The following THSD4 variants were observed in gnomAD, a reference collection of about 807,000 sequenced individuals.
THSD4 encodes the protein thrombospondin type 1 domain containing 4.
In THSD4, 69 loss-of-function variants were observed where a neutral mutation model predicts 119.0. That is an observed-to-expected ratio of 0.58 (90% CI 0.48 to 0.71). The LOEUF (loss-of-function observed/expected upper bound fraction) is 0.71. Ranked by LOEUF, THSD4 falls within the 30% of genes least tolerant of loss-of-function variation. The pLI is 0.00. For synonymous variants in THSD4, 524 were observed against 540.4 expected, an observed-to-expected ratio of 0.97 and a Z score of 0.42; for missense variants, 1,393 against 1,391.1, an observed-to-expected ratio of 1.00 and a Z score of -0.02.
chr15:71,672,393 C>T (rs1238017701), intron 8 of THSD4, among the ~76,000 whole-genome samples: 2 of 152,178 alleles, frequency 1.3e-5, no homozygotes, highest in African/African-American at 4.8e-5. Flanking sequence ...GGGGCTGAGA[C>T]GATGGGGTTT....
intron 7 of THSD4, among the ~76,000 whole-genome samples, chr15:71,635,702 C>T (rs985849882): frequency 2.6e-5 from 4 of 152,298 alleles, no homozygotes; most frequent in South Asian, 4.2e-4. Context: ...CTAATTTTCT[C>T]CCAGCTGCAT....
intron 7 of THSD4, among the ~76,000 whole-genome samples, chr15:71,468,672 T>C (rs1416610064): frequency 6.6e-6 from 1 of 152,256 alleles, no homozygotes; most frequent in Non-Finnish European, 1.5e-5. Context: ...TGCCTCACGT[T>C]AGGTAAGTCT....
In THSD4 at chr15:71,531,446, G is replaced by A. The variant is rs985369906; in HGVS notation, c.1152+119623G>A. Among the ~76,000 whole-genome samples, 6 of 152,312 alleles carry A rather than the reference G, an allele frequency of 3.9e-5. No homozygotes were observed. The South Asian group carries it at 1.2e-3, about 32-fold the overall frequency. ...TTGAACTTGTGGACACATGAAAATG[G>A]ATAGAAGTGGGTGAATTCAAGACAC... is the stretch of plus-strand genomic sequence containing the variant. On this transcript the variant is annotated intron_variant, in intron 7 of 17. Transcript: ENST00000261862.
At chr15:71,359,965 C>T (rs536152832) in intron 6 of THSD4, among the ~76,000 whole-genome samples, 12 of 152,336 alleles carry the variant, frequency 7.9e-5, no homozygotes, top group African/African-American at 2.9e-4. Flanking sequence ...TGCTGTATAA[C>T]AGACCACCCC....
chr15:71,751,393 C>T (rs1323944976), intron 14 of THSD4, among the ~76,000 whole-genome samples: 1 of 152,066 alleles, frequency 6.6e-6, no homozygotes, highest in Non-Finnish European at 1.5e-5. Context: ...AACCTCTTCA[C>T]CAAAAGAAAA....
At chr15:71,165,463 T>G in intron 3 of THSD4, 1 of 1,348,208 alleles carries the variant, frequency 7.4e-7, no homozygotes, top group Non-Finnish European at 1.0e-6. Context: ...CCAGTGCCCG[T>G]CCGGCTCTCA....
chr15:71,662,606 C>T (rs937897611), intron 8 of THSD4, among the ~76,000 whole-genome samples: 1 of 152,030 alleles, frequency 6.6e-6, no homozygotes, highest in Non-Finnish European at 1.5e-5. Flanking sequence ...TTTTCCCTGG[C>T]TATAGTTAGT....
At chr15:71,442,614 GTGTGTA>G (rs1273666874) in intron 7 of THSD4, among the ~76,000 whole-genome samples, 3 of 55,270 alleles carry the variant, frequency 5.4e-5, no homozygotes, top group South Asian at 7.6e-4. Flanking sequence ...GTGTGTGTGT[GTGTGTA>G]TATATATATG....
chr15:71,239,277 A>G (rs1444340574), intron 4 of THSD4, among the ~76,000 whole-genome samples: 1 of 152,154 alleles, frequency 6.6e-6, no homozygotes, highest in Non-Finnish European at 1.5e-5. Context: ...ACATTTAAGA[A>G]GACATTACTC....
At chr15:71,370,119 G>A (rs2046023340) in intron 6 of THSD4, among the ~76,000 whole-genome samples, 1 of 152,036 alleles carries the variant, frequency 6.6e-6, no homozygotes, top group African/African-American at 2.4e-5. Flanking sequence ...TGTGGGATCA[G>A]CGGTGATATC....
At chr15:71,369,496 T>C (rs1045607034) in intron 6 of THSD4, among the ~76,000 whole-genome samples, 4 of 152,316 alleles carry the variant, frequency 2.6e-5, no homozygotes, top group Admixed American at 2.6e-4. Flanking sequence ...CATGAAGGGC[T>C]GTTGAATTTT....
At chr15:71,194,086 T>G (rs1053660782) in intron 3 of THSD4, among the ~76,000 whole-genome samples, 1 of 152,206 alleles carries the variant, frequency 6.6e-6, no homozygotes, top group Non-Finnish European at 1.5e-5. Context: ...CCATGTAAGA[T>G]GTGCCTTTAT....
At chr15:71,649,154 G>C (rs2051032426) in intron 7 of THSD4, among the ~76,000 whole-genome samples, 1 of 152,046 alleles carries the variant, frequency 6.6e-6, no homozygotes, top group Non-Finnish European at 1.5e-5. Flanking sequence ...CTTCTCTTTG[G>C]CTCTTCTCCA....
intron 7 of THSD4, among the ~76,000 whole-genome samples, chr15:71,535,934 A>T (rs1019786606): frequency 8.5e-5 from 13 of 152,276 alleles, no homozygotes; most frequent in African/African-American, 2.6e-4. Flanking sequence ...GAATTTTGAT[A>T]AAGTCCCATT....
chr15:71,613,956 C>CT (rs1567063083), intron 7 of THSD4, among the ~76,000 whole-genome samples: 3 of 152,150 alleles, frequency 2.0e-5, no homozygotes, highest in African/African-American at 7.2e-5. Flanking sequence ...TAAATAGACC[C>CT]TTTTCTCTAT....
intron 6 of THSD4, chr15:71,341,053 C>A (rs2045561223): frequency 1.2e-6 from 1 of 826,306 alleles, no homozygotes; most frequent in African/African-American, 1.7e-5. Flanking sequence ...TCTCCCATTT[C>A]TTTTTTCTTT....
intron 7 of THSD4, among the ~76,000 whole-genome samples, chr15:71,562,508 C>A (rs562083079): frequency 6.6e-6 from 1 of 152,026 alleles, no homozygotes; most frequent in East Asian, 1.9e-4. Context: ...GCATATATGC[C>A]GATAAGCCAG....
intron 2 of THSD4, among the ~76,000 whole-genome samples, chr15:71,153,039 C>T (rs531599229): frequency 7.5e-4 from 114 of 152,304 alleles, no homozygotes; most frequent in African/African-American, 2.7e-3. Flanking sequence ...TGTTCCCACC[C>T]TAGCCCTCTC....
At chr15:71,260,111 G>T (rs912175203) in intron 6 of THSD4, among the ~76,000 whole-genome samples, 4 of 152,152 alleles carry the variant, frequency 2.6e-5, no homozygotes, top group African/African-American at 9.7e-5. Flanking sequence ...GTAGATGCAG[G>T]TCTAATATTG....
Sources: allele counts gnomAD v4.1 joint callset (sites outside exome capture counted in the v4.1 genomes callset), GRCh38; gene constraint gnomAD v4.1.1; transcripts MANE v1.5; gene names NCBI Gene and HGNC (gene_info 2026-07-23, HGNC 2026-07-21).